Variants in CDC42BPA observed in about 807,000 individuals in gnomAD.
CDC42BPA encodes the protein serine/threonine-protein kinase MRCK alpha.
In CDC42BPA, 80 loss-of-function variants were observed where a neutral mutation model predicts 223.5. The ratio of observed to expected loss-of-function variants is 0.36; its 90% CI spans 0.30 to 0.43. The LOEUF (loss-of-function observed/expected upper bound fraction) is 0.43. Among genes scored for constraint, CDC42BPA ranks in the 20% least tolerant of loss-of-function variants. The pLI is 1.00. For synonymous variants in CDC42BPA, 694 were observed against 718.6 expected (o/e 0.97, Z 0.55); for missense variants, 1,743 against 2,099.9 (o/e 0.83, Z 3.32).
At chr1:227,241,265 C>T (rs1222053709) in intron 2 of CDC42BPA, among the ~76,000 whole-genome samples, 1 of 152,060 alleles carries the variant, frequency 6.6e-6, no homozygotes, top group Non-Finnish European at 1.5e-5. Context: ...ATGGTACAAT[C>T]CAACTGGAAG....
chr1:227,109,756 GAC>G (rs1686598230), intron 14 of CDC42BPA, among the ~76,000 whole-genome samples: 1 of 151,092 alleles, frequency 6.6e-6, no homozygotes, highest in African/African-American at 2.4e-5. Context: ...TAAAAATTAA[GAC>G]ACAAACACAC....
At chr1:227,141,798 C>A (rs746999566) in intron 9 of CDC42BPA, among the ~76,000 whole-genome samples, 13 of 152,102 alleles carry the variant, frequency 8.5e-5, no homozygotes, top group Non-Finnish European at 1.5e-4. Flanking sequence ...AGCAAGACTC[C>A]ATTTCTAAAT....
intron 15 of CDC42BPA, among the ~76,000 whole-genome samples, chr1:227,093,508 C>T (rs370625717): frequency 1.3e-5 from 2 of 152,178 alleles, no homozygotes; most frequent in Admixed American, 6.5e-5. Context: ...AAGTAATCTA[C>T]CAGCTATGTG....
Position 227,252,273 on chromosome 1 carries a change from A to G in CDC42BPA, c.270+1791T>C, listed in dbSNP as rs191428243. 3.4e-3 allele frequency among the ~76,000 whole-genome samples: 516 copies of G among 152,294 alleles called. 10 individuals are homozygous for G. The highest frequency in any genetic ancestry group is 0.03 in the Admixed American group (461 of 15,290). On this transcript the variant is annotated intron_variant, in intron 2 of 36. Transcript: ENST00000366766. Reference sequence around the variant, plus strand: ...ATAAACCCCTAGCAAGAAAAATAAAAAGAGAGAGAAATGATCAATACAGTA... The same window carrying G: ...ATAAACCCCTAGCAAGAAAAATAAAGAGAGAGAGAAATGATCAATACAGTA...
intron 12 of CDC42BPA, among the ~76,000 whole-genome samples, chr1:227,114,393 A>G (rs1158608870): frequency 6.6e-6 from 1 of 151,880 alleles, no homozygotes; most frequent in Non-Finnish European, 1.5e-5. Context: ...CATATAAACA[A>G]AACTGACAGA....
intron 14 of CDC42BPA, among the ~76,000 whole-genome samples, chr1:227,107,896 T>A (rs1686217190): frequency 6.6e-6 from 1 of 152,188 alleles, no homozygotes; most frequent in Non-Finnish European, 1.5e-5. Flanking sequence ...CCTCTTATAA[T>A]TCTTTTGTTT....
chr1:227,200,424 T>C (rs1315494333), intron 3 of CDC42BPA, among the ~76,000 whole-genome samples: 2 of 119,868 alleles, frequency 1.7e-5, no homozygotes, highest in Non-Finnish European at 3.4e-5. Flanking sequence ...GAGTGAGACC[T>C]TGCCTTAAAA....
At chr1:227,179,659 A>AAAAAAAAAAAAG (rs1216438998) in intron 5 of CDC42BPA, among the ~76,000 whole-genome samples, 2 of 146,986 alleles carry the variant, frequency 1.4e-5, no homozygotes, top group African/African-American at 2.6e-5. Flanking sequence ...AAAAAAAAAA[A>AAAAAAAAAAAAG]AGCTATTTTA....
At chr1:227,236,624 T>C (rs1679080263) in intron 2 of CDC42BPA, among the ~76,000 whole-genome samples, 1 of 152,218 alleles carries the variant, frequency 6.6e-6, no homozygotes, top group African/African-American at 2.4e-5. Context: ...ATTATGTTTA[T>C]ACAATGATAA....
chr1:227,083,407 T>C (rs1178671553), intron 16 of CDC42BPA, among the ~76,000 whole-genome samples: 2 of 152,220 alleles, frequency 1.3e-5, no homozygotes, highest in African/African-American at 2.4e-5. Flanking sequence ...TTTGTATAGA[T>C]TCCAGTTGTT....
At chr1:227,016,270 T>A in intron 33 of CDC42BPA, 73 bp from the exon 34 acceptor site, 1 of 790,538 alleles carries the variant, frequency 1.3e-6, no homozygotes, top group Non-Finnish European at 2.2e-6. Flanking sequence ...AAATTAAGCT[T>A]AATTTTCTTA....
chr1:227,046,908 A>G (rs1361142394), intron 23 of CDC42BPA, among the ~76,000 whole-genome samples: 1 of 152,120 alleles, frequency 6.6e-6, no homozygotes, highest in African/African-American at 2.4e-5. Context: ...TGTTGTTTTT[A>G]GCATACTGTT....
intron 1 of CDC42BPA, among the ~76,000 whole-genome samples, chr1:227,275,599 C>T (rs1686809472): frequency 6.6e-6 from 1 of 151,482 alleles, no homozygotes; most frequent in Non-Finnish European, 1.5e-5. Flanking sequence ...CTCCCCCTCC[C>T]CCTCTCCCCC....
At chr1:226,998,151 A>G (rs1662019941) in intron 35 of CDC42BPA, among the ~76,000 whole-genome samples, 1 of 152,238 alleles carries the variant, frequency 6.6e-6, no homozygotes, top group African/African-American at 2.4e-5. Flanking sequence ...GAGAGGACAC[A>G]AACAAATGGA....
intron 22 of CDC42BPA, among the ~76,000 whole-genome samples, chr1:227,048,607 T>C (rs1338063941): frequency 2.0e-5 from 3 of 151,786 alleles, no homozygotes; most frequent in Admixed American, 1.3e-4. Flanking sequence ...TCACATACCA[T>C]ATCTTTCTTA....
intron 2 of CDC42BPA, among the ~76,000 whole-genome samples, chr1:227,220,070 T>G (rs1391617881): frequency 1.3e-5 from 2 of 152,016 alleles, no homozygotes; most frequent in East Asian, 3.9e-4. Context: ...CACTGACCTG[T>G]GACCAGGCAG....
chr1:227,229,882 T>C (rs1337131659), intron 2 of CDC42BPA, among the ~76,000 whole-genome samples: 1 of 152,230 alleles, frequency 6.6e-6, no homozygotes, highest in Non-Finnish European at 1.5e-5. Flanking sequence ...TTTTTTATCT[T>C]TGGTTTTCAG....
At chr1:227,248,727 G>A (rs1457525758) in intron 2 of CDC42BPA, among the ~76,000 whole-genome samples, 1 of 149,588 alleles carries the variant, frequency 6.7e-6, no homozygotes, top group Admixed American at 6.6e-5. Context: ...TGTGAGGTAT[G>A]CACACACACA....
intron 1 of CDC42BPA, among the ~76,000 whole-genome samples, chr1:227,304,983 T>C (rs1204001274): frequency 6.6e-6 from 1 of 152,152 alleles, no homozygotes; most frequent in Non-Finnish European, 1.5e-5. Flanking sequence ...AAATATAAAA[T>C]TGCACACACA....
Sources: gnomAD v4.1 joint callset for allele counts (sites outside exome capture counted in the v4.1 genomes callset) on GRCh38, gnomAD v4.1.1 for gene constraint, MANE v1.5 for transcripts, NCBI Gene and HGNC (gene_info 2026-07-23, HGNC 2026-07-21) for gene names.